GRM8: variants seen among roughly 807,000 people sequenced by gnomAD.
The protein encoded by GRM8 is glutamate metabotropic receptor 8.
Under a neutral mutation model 87.2 loss-of-function variants are expected in GRM8, and 47 were observed. That is an observed-to-expected ratio of 0.54 (90% CI 0.43 to 0.69). GRM8 has a LOEUF of 0.69. Among genes scored for constraint, GRM8 ranks in the 30% least tolerant of loss-of-function variants. GRM8 has a pLI of 0.00. For missense variants in GRM8, 1,019 were observed against 1,139.2 expected, an observed-to-expected ratio of 0.89 and a Z score of 1.52; for synonymous variants, 396 against 404.5, an observed-to-expected ratio of 0.98 and a Z score of 0.25.
chr7:126,458,470 C>T (rs1803516270), intron 9 of GRM8, among the ~76,000 whole-genome samples: 1 of 150,900 alleles, frequency 6.6e-6, no homozygotes, highest in Non-Finnish European at 1.5e-5. Flanking sequence ...ACAATTAATC[C>T]ATTATCACAA....
chr7:126,595,230 TTC>T (rs1797048116), intron 8 of GRM8, among the ~76,000 whole-genome samples: 1 of 151,820 alleles, frequency 6.6e-6, no homozygotes, highest in Non-Finnish European at 1.5e-5. Context: ...TTGGTTTTTG[TTC>T]TTTTTGTTTT....
At chr7:126,800,595 G>A (rs1822557463) in intron 6 of GRM8, among the ~76,000 whole-genome samples, 1 of 152,106 alleles carries the variant, frequency 6.6e-6, no homozygotes, top group African/African-American at 2.4e-5. Context: ...TGTGCCACTT[G>A]GAGGGCATGA....
chr7:126,772,910 G>A (rs567180291), intron 6 of GRM8, among the ~76,000 whole-genome samples: 1 of 152,082 alleles, frequency 6.6e-6, no homozygotes, highest in Non-Finnish European at 1.5e-5. Flanking sequence ...AAGTTAAAAT[G>A]TCAGAGGGCT....
intron 2 of GRM8, among the ~76,000 whole-genome samples, chr7:127,172,154 T>C (rs1793840123): frequency 6.6e-6 from 1 of 152,204 alleles, no homozygotes; most frequent in East Asian, 1.9e-4. Flanking sequence ...GTGTAAACTT[T>C]ATACATGATT....
chr7:126,778,824 C>A (rs1427995765), intron 6 of GRM8, among the ~76,000 whole-genome samples: 1 of 151,786 alleles, frequency 6.6e-6, no homozygotes, highest in East Asian at 1.9e-4. Flanking sequence ...TCAGGATTTA[C>A]CTTTTAAAAA....
intron 7 of GRM8, among the ~76,000 whole-genome samples, chr7:126,613,261 C>G (rs369623043): frequency 6.7e-6 from 1 of 149,166 alleles, no homozygotes; most frequent in Non-Finnish European, 1.5e-5. Context: ...ACTGGCCACT[C>G]TGAGAAACAG....
intron 7 of GRM8, among the ~76,000 whole-genome samples, chr7:126,628,322 GGCGTGA>G (rs753531366): frequency 2.9e-4 from 44 of 152,306 alleles, no homozygotes; most frequent in Non-Finnish European, 4.7e-4. Context: ...TAGGATTACA[GGCGTGA>G]GCCACTGTGC....
At chr7:126,995,772 G>C (rs931108876) in intron 3 of GRM8, among the ~76,000 whole-genome samples, 1 of 152,062 alleles carries the variant, frequency 6.6e-6, no homozygotes, top group African/African-American at 2.4e-5. Flanking sequence ...AGAGGAAGTA[G>C]AGAAAGAGAT....
At chr7:126,969,237 T>C (rs1004487667) in intron 3 of GRM8, among the ~76,000 whole-genome samples, 1 of 152,078 alleles carries the variant, frequency 6.6e-6, no homozygotes, top group African/African-American at 2.4e-5. Context: ...TTTTGTAAAA[T>C]AAAACAACAA....
At chr7:126,947,464 G>A (rs1221101450) in intron 3 of GRM8, among the ~76,000 whole-genome samples, 2 of 152,070 alleles carry the variant, frequency 1.3e-5, no homozygotes, top group African/African-American at 4.8e-5. Context: ...TCAGACCAGT[G>A]CTGGGATTTT....
At chr7:126,609,965 G>C (rs1233121257) in intron 7 of GRM8, among the ~76,000 whole-genome samples, 1 of 152,168 alleles carries the variant, frequency 6.6e-6, no homozygotes, top group Non-Finnish European at 1.5e-5. Context: ...AGCAGTTAGA[G>C]AGCACCGTTC....
At chr7:126,694,889 C>A (rs761107271) in intron 7 of GRM8, among the ~76,000 whole-genome samples, 1 of 152,174 alleles carries the variant, frequency 6.6e-6, no homozygotes, top group Non-Finnish European at 1.5e-5. Context: ...TGGCCAACAA[C>A]AATGGTCTCA....
chr7:126,523,442 G>C (rs1813304157), intron 9 of GRM8, among the ~76,000 whole-genome samples: 3 of 151,516 alleles, frequency 2.0e-5, no homozygotes, highest in Non-Finnish European at 4.4e-5. Flanking sequence ...AAAAAGATGA[G>C]TGATTTAGTG....
At chr7:126,785,620 C>T (rs986028399) in intron 6 of GRM8, among the ~76,000 whole-genome samples, 1 of 151,984 alleles carries the variant, frequency 6.6e-6, no homozygotes, top group Non-Finnish European at 1.5e-5. Flanking sequence ...AGACCCAGGT[C>T]TTTCGCTTCT....
intron 7 of GRM8, among the ~76,000 whole-genome samples, chr7:126,624,772 G>A (rs1461538334): frequency 6.6e-6 from 1 of 152,168 alleles, no homozygotes; most frequent in Non-Finnish European, 1.5e-5. Flanking sequence ...GCACTACATA[G>A]GAGGGCATTA....
chr7:127,122,479 A>C (rs1461702443), intron 2 of GRM8, among the ~76,000 whole-genome samples: 1 of 151,974 alleles, frequency 6.6e-6, no homozygotes, highest in East Asian at 1.9e-4. Flanking sequence ...TTAAAAAAAA[A>C]AATGGAAAAA....
intron 7 of GRM8, among the ~76,000 whole-genome samples, chr7:126,715,064 C>T (rs1811572256): frequency 1.3e-5 from 2 of 152,146 alleles, no homozygotes; most frequent in South Asian, 2.1e-4. Flanking sequence ...CCTGTAATGT[C>T]GTGACTTTTC....
At chr7:127,056,855 A>T (rs894063666) in intron 3 of GRM8, among the ~76,000 whole-genome samples, 1 of 152,334 alleles carries the variant, frequency 6.6e-6, no homozygotes, top group South Asian at 2.1e-4. Flanking sequence ...CTTTCAGGAG[A>T]CATGAAATTT....
At chr7:126,650,238 T>C (rs1163683774) in intron 7 of GRM8, among the ~76,000 whole-genome samples, 1 of 152,154 alleles carries the variant, frequency 6.6e-6, no homozygotes, top group African/African-American at 2.4e-5. Context: ...TGAAGTTATA[T>C]GAGGAAATGG....
Sources: allele counts gnomAD v4.1 joint callset (sites outside exome capture counted in the v4.1 genomes callset), GRCh38; gene constraint gnomAD v4.1.1; transcripts MANE v1.5; gene names NCBI Gene and HGNC (gene_info 2026-07-23, HGNC 2026-07-21).